ABLIM2: variants seen among roughly 807,000 people sequenced by gnomAD.
ABLIM2 encodes the protein actin binding LIM protein family member 2.
A neutral mutation model predicts 97.7 loss-of-function variants in ABLIM2; 53 were observed. The observed-to-expected ratio is 0.54, with a 90% CI of 0.44 to 0.68. ABLIM2 has a LOEUF of 0.68. Ranked by LOEUF, ABLIM2 falls within the 30% of genes least tolerant of loss-of-function variation. ABLIM2 has a pLI of 0.00. For synonymous variants in ABLIM2, 361 were observed against 345.8 expected (o/e 1.04, Z -0.49); for missense variants, 835 against 867.2 (o/e 0.96, Z 0.47).
At chr4:7,976,669 G>GCA (rs1295704088) in intron 20 of ABLIM2, among the ~76,000 whole-genome samples, 1 of 150,058 alleles carries the variant, frequency 6.7e-6, no homozygotes, top group African/African-American at 2.5e-5. Flanking sequence ...CACAACACAT[G>GCA]CACACACACA....
rs115157820 is a variant in ABLIM2 at position 8,073,313 on chromosome 4, G to T, written c.675+4315C>A. Among the ~76,000 whole-genome samples the T allele has an allele frequency of 6.9e-3, 1,035 of 150,636 alleles. 11 individuals are homozygous for T. Among genetic ancestry groups the T allele is most frequent in the African/African-American group, 0.024 (986 of 40,932 alleles). On this transcript the variant is annotated intron_variant, in intron 6 of 20. Coordinates refer to ENST00000447017, the MANE Select transcript of ABLIM2 (RefSeq NM_001130083.2). ...AGCCACCCAGGCCGTCCTCGCTGAG[G>T]TCTGGCTGCCAACTCTTTGTCAAGC...
intron 1 of ABLIM2, among the ~76,000 whole-genome samples, chr4:8,151,500 G>T (rs968984153): frequency 6.6e-6 from 1 of 152,136 alleles, no homozygotes; most frequent in African/African-American, 2.4e-5. Flanking sequence ...CTCCCTCCAC[G>T]CCAGAGACCC....
Position 8,082,855 on chromosome 4 carries a change from CAG to C in ABLIM2, c.455-2055_455-2054del, listed in dbSNP as rs1377130643. On this transcript the variant is annotated intron_variant, in intron 4 of 20. Transcript: ENST00000447017. The surrounding 1 kb of genome is among the most constrained non-coding windows in gnomAD (Gnocchi z 5.6). The stretch of plus-strand genomic sequence containing the variant: ...TGCCGCGCTCCTTCCTGTGTCTCTG[CAG>C]AGTCAGACGACGCACAGCCCTGACT... 1.3e-5 allele frequency among the ~76,000 whole-genome samples: 2 copies of C among 152,240 alleles called. No individual in the cohort carries two copies. The highest frequency in any genetic ancestry group is 1.9e-4 in the East Asian group (1 of 5,192).
intron 6 of ABLIM2, among the ~76,000 whole-genome samples, chr4:8,074,203 C>G (rs1396939817): frequency 6.6e-6 from 1 of 151,666 alleles, no homozygotes; most frequent in Non-Finnish European, 1.5e-5. Flanking sequence ...CCCCTAATCC[C>G]AGCACTTTGG....
intron 5 of ABLIM2, among the ~76,000 whole-genome samples, chr4:8,080,423 A>C (rs563330023): frequency 9.9e-4 from 151 of 152,140 alleles, no homozygotes; most frequent in Non-Finnish European, 1.5e-3. Context: ...TTCTCATCCA[A>C]AAAAAGGAGC....
intron 3 of ABLIM2, among the ~76,000 whole-genome samples, chr4:8,091,704 CATA>C (rs1227780526): frequency 3.1e-5 from 2 of 64,362 alleles, no homozygotes; most frequent in African/African-American, 7.1e-5. Context: ...ATATAATATA[CATA>C]ATATAATTAT....
At chr4:8,078,050 CT>C (rs1158612391) in intron 5 of ABLIM2, among the ~76,000 whole-genome samples, 2 of 152,218 alleles carry the variant, frequency 1.3e-5, no homozygotes, top group African/African-American at 4.8e-5. Flanking sequence ...TTTCTGGCTC[CT>C]TCCATCCAAA....
Position 8,120,998 on chromosome 4 carries a change from T to C in ABLIM2, c.11-14361A>G, listed in dbSNP as rs1845158838. Reference sequence around the variant, plus strand: ...CTGAATGCATATTGTTTTTGCAACATTATAAAATCAAAAAACGATAGTCCA... The same window carrying C: ...CTGAATGCATATTGTTTTTGCAACACTATAAAATCAAAAAACGATAGTCCA... On this transcript the variant is annotated intron_variant, in intron 1 of 20. Coordinates refer to ENST00000447017, the MANE Select transcript of ABLIM2 (RefSeq NM_001130083.2). This position sits in a 1 kb window ranked among gnomAD's most constrained non-coding sequence, Gnocchi z 5.6. 6.6e-6 allele frequency among the ~76,000 whole-genome samples: 1 copy of C among 152,200 alleles called. No homozygotes were observed. The highest frequency in any genetic ancestry group is 1.5e-5 in the Non-Finnish European group (1 of 68,030).
chr4:8,071,640 G>C lies in ABLIM2; in HGVS notation c.675+5988C>G. On this transcript the variant is annotated intron_variant, in intron 6 of 20. Transcript: ENST00000447017. This position sits in a 1 kb window ranked among gnomAD's most constrained non-coding sequence, Gnocchi z 6.2. ...AAGCGCCTTAGGGGGCAAAACGGGG[G>C]TGGGGGAACAGGTGGCTCCGAGGTC... 2.2e-6 allele frequency: 2 copies of C among 924,740 alleles called. No individual in the cohort carries two copies. Among genetic ancestry groups the C allele is most frequent in the Non-Finnish European group, 2.6e-6 (2 of 774,714 alleles). The allele number at this position is 924,740 out of a possible 1,614,324, so 57.3% of individuals were successfully genotyped here.
chr4:7,988,068 G>T (rs1405733832), intron 17 of ABLIM2, among the ~76,000 whole-genome samples: 1 of 152,180 alleles, frequency 6.6e-6, no homozygotes, highest in African/African-American at 2.4e-5. Context: ...CTGTCACCCA[G>T]GCTGGAGTGC....
chr4:8,027,657 G>T (rs117332078), intron 12 of ABLIM2, 102 bp downstream of exon 12: 5 of 907,044 alleles, frequency 5.5e-6, no homozygotes, highest in Non-Finnish European at 7.9e-6. Context: ...GCATGAAACA[G>T]GGGCTCCGGT....
At chr4:8,047,358 TTCCTCCTCC>T (rs139472480) in intron 8 of ABLIM2, among the ~76,000 whole-genome samples, 9 of 149,132 alleles carry the variant, frequency 6.0e-5, no homozygotes, top group East Asian at 2.0e-4. Context: ...CCACCGCCTC[TTCCTCCTCC>T]TCCTCCTCCT....
intron 6 of ABLIM2, among the ~76,000 whole-genome samples, chr4:8,074,581 T>C (rs1285414362): frequency 6.6e-6 from 1 of 152,242 alleles, no homozygotes; most frequent in African/African-American, 2.4e-5. Flanking sequence ...AAGCAATTTA[T>C]AGTAACCATC....
chr4:8,084,918 C>T (rs1185773095), intron 4 of ABLIM2, among the ~76,000 whole-genome samples: 3 of 152,230 alleles, frequency 2.0e-5, no homozygotes, highest in Non-Finnish European at 4.4e-5. Flanking sequence ...CGCTCGCACT[C>T]TGCGACGGCC....
intron 14 of ABLIM2, among the ~76,000 whole-genome samples, chr4:8,011,990 A>T (rs184970274): frequency 1.1e-3 from 161 of 151,976 alleles, no homozygotes; most frequent in African/African-American, 3.6e-3. Flanking sequence ...ATACTTATTC[A>T]TTCACCCTTT....
At position 7,966,927 on chromosome 4, in the gene ABLIM2, G is replaced by C. The variant is rs1202191721; in HGVS notation, c.*63C>G. 1 of 1,238,752 alleles carries C rather than the reference G, an allele frequency of 8.1e-7. No individual in the cohort carries two copies. The highest frequency in any genetic ancestry group is 1.2e-6 in the Non-Finnish European group (1 of 855,634). The allele number at this position is 1,238,752 out of a possible 1,614,324, so 76.7% of individuals were successfully genotyped here. A position where few individuals can be genotyped will look rare whatever the true frequency, so the allele number is the denominator to read the frequency against. On this transcript the variant is annotated 3_prime_UTR_variant, in exon 21 of 21. Transcript: ENST00000447017. ...AAGGTGTGTGGGAGGGGTGTGTGCG[G>C]TTCTCGCCAGGGGCCCCTGGCCTCG...
chr4:8,039,874 GTT>G (rs397947626), intron 9 of ABLIM2, among the ~76,000 whole-genome samples: 1,436 of 108,596 alleles, frequency 0.013, 25 homozygotes, highest in African/African-American at 0.039. Flanking sequence ...GCTGATTACT[GTT>G]TTTTTTTTTT....
chr4:8,058,556 C>T lies in ABLIM2; in HGVS notation c.763+2411G>A, dbSNP rs1381700600. On this transcript the variant is annotated intron_variant, in intron 7 of 20. Transcript: ENST00000447017. The surrounding 1 kb of genome is among the most constrained non-coding windows in gnomAD (Gnocchi z 4.2). The stretch of plus-strand genomic sequence containing the variant: ...AGCTGTGGCTAAAGAGATGAAGTCA[C>T]AATAGCAGACCTGTCCTCGCCGGGG... 1.3e-5 allele frequency among the ~76,000 whole-genome samples: 2 copies of T among 152,196 alleles called. No individual in the cohort carries two copies. Among genetic ancestry groups the T allele is most frequent in the Non-Finnish European group, 2.9e-5 (2 of 68,028 alleles).
intron 1 of ABLIM2, 106 bp downstream of exon 1, chr4:8,158,574 G>A (rs887354456): frequency 7.3e-6 from 10 of 1,369,262 alleles, no homozygotes; most frequent in Admixed American, 2.3e-5. Flanking sequence ...GAGCCGCTGG[G>A]TGATTTTCCC....
Sources: allele counts gnomAD v4.1 joint callset (sites outside exome capture counted in the v4.1 genomes callset), GRCh38; gene constraint gnomAD v4.1.1; non-coding constraint Gnocchi (gnomAD v3.1); transcripts MANE v1.5; gene names NCBI Gene and HGNC (gene_info 2026-07-23, HGNC 2026-07-21).